The following TRAPPC9 variants were observed in gnomAD, a reference collection of about 807,000 sequenced individuals.
TRAPPC9 encodes the protein IKK2 binding protein.
A neutral mutation model predicts 124.0 loss-of-function variants in TRAPPC9; 83 were observed. That is an observed-to-expected ratio of 0.67 (90% CI 0.56 to 0.80). The LOEUF (loss-of-function observed/expected upper bound fraction) is 0.80, where lower values mean the gene tolerates loss of function less well. Ranked by LOEUF, TRAPPC9 falls within the 30% of genes least tolerant of loss-of-function variation. The probability of loss-of-function intolerance (pLI) is 0.00; values close to 1 mark genes in which losing one functional copy is unlikely to be tolerated. For synonymous variants in TRAPPC9, 638 were observed against 617.5 expected (o/e 1.03, Z -0.49); for missense variants, 1,302 against 1,508.3 (o/e 0.86, Z 2.27).
chr8:140,294,079 G>A (rs1311218241), intron 11 of TRAPPC9, among the ~76,000 whole-genome samples: 1 of 151,912 alleles, frequency 6.6e-6, no homozygotes, highest in Admixed American at 6.6e-5. Flanking sequence ...CCTGTCCTAT[G>A]GTCCTGAGAA....
chr8:139,765,258 G>C (rs1461249371), intron 21 of TRAPPC9, among the ~76,000 whole-genome samples: 1 of 152,170 alleles, frequency 6.6e-6, no homozygotes, highest in Admixed American at 6.5e-5. Context: ...CCCAAGTTCT[G>C]GTAGGAGAAG....
At chr8:140,125,494 T>G (rs2061075252) in intron 17 of TRAPPC9, among the ~76,000 whole-genome samples, 1 of 151,594 alleles carries the variant, frequency 6.6e-6, no homozygotes. Flanking sequence ...GCAGTGTCTG[T>G]CCGGGAATGG....
rs570400287 is a variant in TRAPPC9 at position 139,984,809 on chromosome 8, T to C, written c.2810+3917A>G. The stretch of plus-strand genomic sequence containing the variant: ...ATGGATTCATGGGTATCCCCAGCAG[T>C]GGGCACAGCAGGGGAAGCGCCTAAG... On this transcript the variant is annotated intron_variant, in intron 19 of 22. Transcript: ENST00000438773. The surrounding 1 kb of genome is among the most constrained non-coding windows in gnomAD (Gnocchi z 4.3). Among the ~76,000 whole-genome samples, 6 of 152,242 alleles carry C rather than the reference T, an allele frequency of 3.9e-5. No individual in the cohort carries two copies. The highest frequency in any genetic ancestry group is 8.8e-5 in the Non-Finnish European group (6 of 68,018).
intron 21 of TRAPPC9, among the ~76,000 whole-genome samples, chr8:139,845,080 G>C (rs1016258531): frequency 6.6e-6 from 1 of 152,244 alleles, no homozygotes; most frequent in East Asian, 1.9e-4. Context: ...CAAGCAACAC[G>C]GAGCTGAGTT....
chr8:139,807,159 G>A (rs1378996588), intron 21 of TRAPPC9, among the ~76,000 whole-genome samples: 4 of 152,330 alleles, frequency 2.6e-5, no homozygotes, highest in South Asian at 2.1e-4. Flanking sequence ...GATTTCCAGC[G>A]CAGAGAGCTG....
At chr8:140,404,665 C>T (rs575469544) in intron 6 of TRAPPC9, among the ~76,000 whole-genome samples, 142 of 152,128 alleles carry the variant, frequency 9.3e-4, no homozygotes, top group Non-Finnish European at 1.4e-3. Context: ...ATAAGATGTG[C>T]GCGTGTATGT....
intron 19 of TRAPPC9, among the ~76,000 whole-genome samples, chr8:139,912,777 T>A (rs1321466894): frequency 6.6e-6 from 1 of 152,252 alleles, no homozygotes. Flanking sequence ...TTACTAACCA[T>A]GTCTCTTTCT....
Position 140,356,263 on chromosome 8 carries a change from G to A in TRAPPC9, c.1495+3787C>T, listed in dbSNP as rs368331383. On this transcript the variant is annotated intron_variant, in intron 9 of 22. Transcript: ENST00000438773. ...TGCTCGTCCACTCTCTGTTCTTCCC[G>A]GCGGCCATTTCATGGACACACGTGT... Among the ~76,000 whole-genome samples, 24 of 152,316 alleles carry A rather than the reference G, an allele frequency of 1.6e-4. No homozygotes were observed. In the South Asian group the frequency reaches 1.9e-3, roughly 12 times the overall value.
At position 140,087,953 on chromosome 8, in the gene TRAPPC9, C is replaced by A. The variant is rs945904987; in HGVS notation, c.2557-63874G>T. Among the ~76,000 whole-genome samples the A allele has an allele frequency of 2.6e-5, 4 of 151,978 alleles. No individual in the cohort carries two copies. Among genetic ancestry groups the A allele is most frequent in the Admixed American group, 6.6e-5 (1 of 15,242 alleles). ...GTGGTACCATCTCTGGGCCTCTGCACCAGCTGTGATTTCTGCTTGGAAGAT... is the reference window on the plus strand; with the variant it reads ...GTGGTACCATCTCTGGGCCTCTGCAACAGCTGTGATTTCTGCTTGGAAGAT... On this transcript the variant is annotated intron_variant, in intron 17 of 22. Transcript: ENST00000438773. This position sits in a 1 kb window ranked among gnomAD's most constrained non-coding sequence, Gnocchi z 4.6.
At chr8:139,989,219 G>T (rs150524381) in intron 18 of TRAPPC9, among the ~76,000 whole-genome samples, 5 of 152,326 alleles carry the variant, frequency 3.3e-5, no homozygotes, top group African/African-American at 1.2e-4. Context: ...CAGGCATACA[G>T]TGCCATTCAA....
At chr8:139,794,050 C>T (rs903718928) in intron 21 of TRAPPC9, among the ~76,000 whole-genome samples, 1 of 152,134 alleles carries the variant, frequency 6.6e-6, no homozygotes, top group Non-Finnish European at 1.5e-5. Flanking sequence ...AGAGGCCTCC[C>T]CTGCTGACCC....
chr8:140,255,519 T>C (rs950924896), intron 15 of TRAPPC9, among the ~76,000 whole-genome samples: 1 of 152,220 alleles, frequency 6.6e-6, no homozygotes, highest in African/African-American at 2.4e-5. Context: ...GATGGAATCG[T>C]TGAGCAGGCT....
In TRAPPC9 at chr8:139,730,737, G is replaced by A; in HGVS notation, c.*324C>T. On this transcript the variant is annotated 3_prime_UTR_variant, in exon 23 of 23. Coordinates refer to ENST00000438773, the MANE Select transcript of TRAPPC9 (RefSeq NM_001160372.4). The stretch of plus-strand genomic sequence containing the variant: ...GGATGAGCAGCACAGCACGGCTGGG[G>A]CCCCAGGTCACAGAAATGGGTGCAG... 2.5e-6 allele frequency: 1 copy of A among 397,224 alleles called. No homozygotes were observed. Among genetic ancestry groups the A allele is most frequent in the Non-Finnish European group, 4.7e-6 (1 of 213,714 alleles). 24.6% of individuals were successfully genotyped at this position (397,224 alleles called of 1,614,324 possible). A position where few individuals can be genotyped will look rare whatever the true frequency, so the allele number is the denominator to read the frequency against.
Position 139,984,265 on chromosome 8 carries a change from G to T in TRAPPC9, c.2810+4461C>A, listed in dbSNP as rs933497641. Among the ~76,000 whole-genome samples, 20 of 152,148 alleles carry T rather than the reference G, an allele frequency of 1.3e-4. No homozygotes were observed. The highest frequency in any genetic ancestry group is 4.6e-4 in the African/African-American group (19 of 41,450). ...TAGGCTGTGCTATCTGCAGAGAAAA[G>T]TTCTGTGCACCTGCCTCCCTCCCAG... is the stretch of plus-strand genomic sequence containing the variant. On this transcript the variant is annotated intron_variant, in intron 19 of 22. Transcript: ENST00000438773. The surrounding 1 kb of genome is among the most constrained non-coding windows in gnomAD (Gnocchi z 4.3).
intron 20 of TRAPPC9, among the ~76,000 whole-genome samples, chr8:139,902,750 G>A (rs1315396182): frequency 2.0e-5 from 3 of 152,314 alleles, no homozygotes; most frequent in East Asian, 3.9e-4. Flanking sequence ...TTGAGAGGCC[G>A]AAGGGTGGGC....
chr8:139,807,391 G>A (rs953821985), intron 21 of TRAPPC9, among the ~76,000 whole-genome samples: 28 of 152,198 alleles, frequency 1.8e-4, no homozygotes, highest in Admixed American at 1.6e-3. Flanking sequence ...CCTTTCCCTG[G>A]CCAGCAGAGG....
chr8:139,817,045 AACACACACACAC>A (rs1228353322), intron 21 of TRAPPC9, among the ~76,000 whole-genome samples: 4 of 135,286 alleles, frequency 3.0e-5, no homozygotes, highest in Non-Finnish European at 4.7e-5. Context: ...ACATAAACTA[AACACACACACAC>A]ACACACACAC....
intron 17 of TRAPPC9, among the ~76,000 whole-genome samples, chr8:140,138,831 T>C (rs1052902876): frequency 6.6e-6 from 1 of 152,062 alleles, no homozygotes; most frequent in African/African-American, 2.4e-5. Context: ...AATGGGGGGA[T>C]TGGTGTCAGA....
intron 9 of TRAPPC9, among the ~76,000 whole-genome samples, chr8:140,351,377 T>G (rs538895932): frequency 1.0e-5 from 1 of 99,648 alleles, no homozygotes; most frequent in African/African-American, 3.4e-5. Context: ...CGTGTGTAGT[T>G]TTTTTTTTTC....
Sources: gnomAD v4.1 joint callset for allele counts (sites outside exome capture counted in the v4.1 genomes callset) on GRCh38, gnomAD v4.1.1 for gene constraint, Gnocchi (gnomAD v3.1) non-coding constraint, MANE v1.5 for transcripts, NCBI Gene and HGNC (gene_info 2026-07-23, HGNC 2026-07-21) for gene names.